NPAS3: variants seen among roughly 807,000 people sequenced by gnomAD.
The protein encoded by NPAS3 is neuronal PAS domain protein 3, also known as neuronal PAS domain-containing protein 3.
A neutral mutation model predicts 73.1 loss-of-function variants in NPAS3; 14 were observed. The observed-to-expected ratio is 0.19, with a 90% CI of 0.13 to 0.30. NPAS3 has a LOEUF of 0.30. NPAS3 is among the 10% of genes least tolerant of loss of function. The pLI is 1.00. For missense variants in NPAS3, 1,096 were observed against 1,250.0 expected, an observed-to-expected ratio of 0.88 and a Z score of 1.86; for synonymous variants, 620 against 541.5, an observed-to-expected ratio of 1.14 and a Z score of -2.01.
At chr14:33,061,407 A>G (rs1233994142) in intron 2 of NPAS3, among the ~76,000 whole-genome samples, 1 of 152,228 alleles carries the variant, frequency 6.6e-6, no homozygotes, top group Non-Finnish European at 1.5e-5. Context: ...AATGCTAAAC[A>G]TGTTAAACAG....
In NPAS3 at chr14:32,939,968, T is replaced by C. The variant is rs537504544; in HGVS notation, c.50+602T>C. On this transcript the variant is annotated intron_variant, in intron 1 of 11. Transcript: ENST00000356141. ...AGCCCAGAGGAGCGCGGCCGCCGCC[T>C]CCCTGCCTCCCGGGCTGCGCCCTCC... Among the ~76,000 whole-genome samples the C allele has an allele frequency of 4.0e-3, 606 of 152,272 alleles. 4 individuals carry two copies. Among genetic ancestry groups the C allele is most frequent in the African/African-American group, 0.014 (564 of 41,562 alleles).
chr14:33,229,482 C>T (rs572405170), intron 3 of NPAS3, among the ~76,000 whole-genome samples: 119 of 152,268 alleles, frequency 7.8e-4, no homozygotes, highest in African/African-American at 2.7e-3. Context: ...GTCACGTGCT[C>T]ACCTTCCCGC....
intron 1 of NPAS3, among the ~76,000 whole-genome samples, chr14:32,951,067 G>A (rs1284817370): frequency 6.6e-6 from 1 of 152,094 alleles, no homozygotes; most frequent in Non-Finnish European, 1.5e-5. Flanking sequence ...TGCTGCTTGG[G>A]AACTAGTGCA....
intron 5 of NPAS3, among the ~76,000 whole-genome samples, chr14:33,652,948 G>T (rs1304655726): frequency 1.3e-5 from 2 of 152,166 alleles, no homozygotes; most frequent in African/African-American, 4.8e-5. Context: ...AAAGTGAACT[G>T]CCCTGAGGAT....
At chr14:33,547,390 A>T (rs2054896977) in intron 4 of NPAS3, among the ~76,000 whole-genome samples, 1 of 152,214 alleles carries the variant, frequency 6.6e-6, no homozygotes, top group Admixed American at 6.5e-5. Flanking sequence ...TGAAATTTAC[A>T]CTAGCCAACA....
intron 3 of NPAS3, among the ~76,000 whole-genome samples, chr14:33,329,925 T>A (rs775655596): frequency 2.0e-5 from 3 of 152,098 alleles, no homozygotes; most frequent in Non-Finnish European, 2.9e-5. Context: ...TCTTTTATCA[T>A]CCCTCGTAAA....
At chr14:33,678,353 CCTT>C (rs959744073) in intron 6 of NPAS3, among the ~76,000 whole-genome samples, 2 of 151,280 alleles carry the variant, frequency 1.3e-5, no homozygotes, top group African/African-American at 2.5e-5. Context: ...CTGATTTACT[CCTT>C]CTTCCCTATC....
intron 1 of NPAS3, among the ~76,000 whole-genome samples, chr14:33,021,837 G>C (rs970488529): frequency 6.6e-6 from 1 of 152,092 alleles, no homozygotes; most frequent in Non-Finnish European, 1.5e-5. Flanking sequence ...TATAATAATT[G>C]CAGGAGTGGT....
At chr14:33,714,901 A>T (rs1005803103) in intron 6 of NPAS3, among the ~76,000 whole-genome samples, 12 of 152,202 alleles carry the variant, frequency 7.9e-5, no homozygotes, top group Non-Finnish European at 1.6e-4. Flanking sequence ...GATGCTACAG[A>T]AAAAAGAAAA....
At chr14:33,746,288 A>T (rs1237050351) in intron 7 of NPAS3, among the ~76,000 whole-genome samples, 1 of 151,630 alleles carries the variant, frequency 6.6e-6, no homozygotes, top group Non-Finnish European at 1.5e-5. Context: ...TCCCGGGTTC[A>T]AGCGATTCTC....
At chr14:33,128,475 G>A (rs555912022) in intron 2 of NPAS3, among the ~76,000 whole-genome samples, 20 of 152,236 alleles carry the variant, frequency 1.3e-4, no homozygotes, top group African/African-American at 4.6e-4. Context: ...GTTGTATAAA[G>A]ATACCAATTT....
chr14:32,943,540 A>G (rs1220299537), intron 1 of NPAS3, among the ~76,000 whole-genome samples: 1 of 152,150 alleles, frequency 6.6e-6, no homozygotes, highest in Admixed American at 6.5e-5. Flanking sequence ...GTCTGTTTGA[A>G]GTAGGACCTG....
At chr14:33,091,000 G>A (rs1012278556) in intron 2 of NPAS3, among the ~76,000 whole-genome samples, 6 of 152,150 alleles carry the variant, frequency 3.9e-5, no homozygotes, top group African/African-American at 9.7e-5. Context: ...GTGTGTCGAC[G>A]GAAATTTATA....
intron 3 of NPAS3, among the ~76,000 whole-genome samples, chr14:33,255,825 G>A (rs1351205550): frequency 1.3e-5 from 2 of 152,044 alleles, no homozygotes; most frequent in South Asian, 2.1e-4. Flanking sequence ...ATTGATGGTC[G>A]ACCGATTAAC....
At chr14:33,458,909 A>G (rs995544136) in intron 4 of NPAS3, among the ~76,000 whole-genome samples, 1 of 152,238 alleles carries the variant, frequency 6.6e-6, no homozygotes, top group Non-Finnish European at 1.5e-5. Flanking sequence ...GGGCAAGTCC[A>G]TAGAGTAAAG....
intron 5 of NPAS3, among the ~76,000 whole-genome samples, chr14:33,596,006 ATTCACTAACACT>A (rs1371894933): frequency 1.3e-5 from 2 of 152,220 alleles, no homozygotes; most frequent in Non-Finnish European, 2.9e-5. Context: ...AGTGTAAAAG[ATTCACTAACACT>A]TTACGTCGGT....
intron 3 of NPAS3, among the ~76,000 whole-genome samples, chr14:33,340,889 T>C (rs187363030): frequency 6.6e-6 from 1 of 152,342 alleles, no homozygotes; most frequent in Admixed American, 6.5e-5. Flanking sequence ...GTAAAAATTA[T>C]TGTGTCTTTT....
chr14:33,036,167 G>T (rs2040161623), intron 1 of NPAS3, among the ~76,000 whole-genome samples: 1 of 152,124 alleles, frequency 6.6e-6, no homozygotes, highest in African/African-American at 2.4e-5. Context: ...TCAGAATTCT[G>T]GGTTAGGGGT....
chr14:33,334,561 T>C (rs17100678), intron 3 of NPAS3, among the ~76,000 whole-genome samples: 10,164 of 152,258 alleles, frequency 0.067, 399 homozygotes, highest in African/African-American at 0.081. Context: ...GTCTGCATGT[T>C]GGGGGTCTCC....
Sources: gnomAD v4.1 joint callset for allele counts (sites outside exome capture counted in the v4.1 genomes callset) on GRCh38, gnomAD v4.1.1 for gene constraint, MANE v1.5 for transcripts, NCBI Gene and HGNC (gene_info 2026-07-23, HGNC 2026-07-21) for gene names.